The following ADGRB3 variants were observed in gnomAD, a reference collection of about 807,000 sequenced individuals.
ADGRB3 encodes adhesion G protein-coupled receptor B3.
A neutral mutation model predicts 193.4 loss-of-function variants in ADGRB3; 37 were observed. The ratio of observed to expected loss-of-function variants is 0.19; its 90% CI spans 0.15 to 0.25. The LOEUF is 0.25. Among genes scored for constraint, ADGRB3 ranks in the 10% least tolerant of loss-of-function variants. The pLI is 1.00. For synonymous variants in ADGRB3, 690 were observed against 644.2 expected (o/e 1.07, Z -1.08); for missense variants, 1,637 against 1,852.9 (o/e 0.88, Z 2.14).
intron 28 of ADGRB3, among the ~76,000 whole-genome samples, chr6:69,356,063 G>A (rs1769331575): frequency 6.6e-6 from 1 of 152,130 alleles, no homozygotes; most frequent in Admixed American, 6.6e-5. Context: ...TAAAAGGTAG[G>A]ATATTAGGGA....
At chr6:69,023,281 A>T (rs1486606260) in intron 13 of ADGRB3, among the ~76,000 whole-genome samples, 2 of 152,172 alleles carry the variant, frequency 1.3e-5, no homozygotes, top group Non-Finnish European at 2.9e-5. Context: ...ATAAATAAAC[A>T]TCAAATACAC....
chr6:69,276,722 C>G (rs1767310608), intron 20 of ADGRB3, among the ~76,000 whole-genome samples: 1 of 152,140 alleles, frequency 6.6e-6, no homozygotes, highest in Non-Finnish European at 1.5e-5. Context: ...GCCCACCTCT[C>G]CTTTCCTCCT....
At chr6:68,871,413 G>A (rs555949182) in intron 3 of ADGRB3, among the ~76,000 whole-genome samples, 30 of 152,064 alleles carry the variant, frequency 2.0e-4, no homozygotes, top group Middle Eastern at 3.4e-3. Context: ...TAATGGTCTC[G>A]TTTAGAATTG....
At chr6:69,245,200 A>G (rs1350560862) in intron 20 of ADGRB3, among the ~76,000 whole-genome samples, 4 of 152,012 alleles carry the variant, frequency 2.6e-5, no homozygotes, top group African/African-American at 9.7e-5. Context: ...TCTTGTCTCT[A>G]TCAGGTATTG....
chr6:68,738,399 G>A (rs1765913399), intron 3 of ADGRB3, among the ~76,000 whole-genome samples: 1 of 152,094 alleles, frequency 6.6e-6, no homozygotes, highest in Non-Finnish European at 1.5e-5. Context: ...ATTTTAAATG[G>A]CCCATAGACT....
chr6:69,042,209 A>T (rs1771093740), intron 13 of ADGRB3, among the ~76,000 whole-genome samples: 1 of 152,172 alleles, frequency 6.6e-6, no homozygotes, highest in African/African-American at 2.4e-5. Context: ...GCCCTGCAGA[A>T]CTGACAGTCA....
chr6:69,095,792 C>T (rs548855022), intron 17 of ADGRB3, among the ~76,000 whole-genome samples: 1 of 152,200 alleles, frequency 6.6e-6, no homozygotes, highest in South Asian at 2.1e-4. Context: ...ATACAACATA[C>T]ACACACGCAC....
intron 20 of ADGRB3, among the ~76,000 whole-genome samples, chr6:69,300,275 A>T (rs1198372666): frequency 6.6e-6 from 1 of 151,836 alleles, no homozygotes; most frequent in Non-Finnish European, 1.5e-5. Flanking sequence ...ACATTCCGTA[A>T]TGATAAACTC....
intron 3 of ADGRB3, among the ~76,000 whole-genome samples, chr6:68,741,086 T>G (rs535863422): frequency 2.6e-5 from 4 of 152,212 alleles, no homozygotes; most frequent in African/African-American, 4.8e-5. Context: ...ATTTGTCAGT[T>G]TGCTTGACAG....
At chr6:69,189,716 A>G (rs909966546) in intron 17 of ADGRB3, among the ~76,000 whole-genome samples, 1 of 152,214 alleles carries the variant, frequency 6.6e-6, no homozygotes, top group Non-Finnish European at 1.5e-5. Flanking sequence ...TTGCTCATCA[A>G]TAAAATTTTG....
In ADGRB3 at chr6:68,975,249, G is replaced by T. The variant is rs369343391; in HGVS notation, c.1643G>T (p.Arg548Leu). 6.2e-7 allele frequency: 1 copy of T among 1,613,866 alleles called. No homozygotes were observed. Among genetic ancestry groups the T allele is most frequent in the Non-Finnish European group, 8.5e-7 (1 of 1,179,864 alleles). The change falls in exon 10 of 32, where the codon CGC becomes CTC. Residue 548 changes from arginine (R) to leucine (L), a missense_variant. This residue lies in a region of ADGRB3 where 641 missense variants were observed against 673.9 expected (regional missense o/e 0.95). Transcript: ENST00000370598. ...PLNATGTTSR[R>L]CSLSLHGVAF... ...TGACACACAGGCACCACTAGCAGAC[G>T]CTGCTCTCTCAGTCTTCATGGAGTG...
intron 3 of ADGRB3, among the ~76,000 whole-genome samples, chr6:68,852,497 A>G (rs942742829): frequency 6.6e-6 from 1 of 152,018 alleles, no homozygotes; most frequent in African/African-American, 2.4e-5. Context: ...GTTAAAGAGT[A>G]TAGACAAACA....
At chr6:68,979,978 G>A (rs1582367885) in intron 10 of ADGRB3, among the ~76,000 whole-genome samples, 1 of 151,384 alleles carries the variant, frequency 6.6e-6, no homozygotes, top group East Asian at 1.9e-4. Context: ...AAAGCAAAGG[G>A]AGTTGATCCA....
At chr6:69,282,786 A>G (rs1395661962) in intron 20 of ADGRB3, among the ~76,000 whole-genome samples, 1 of 152,216 alleles carries the variant, frequency 6.6e-6, no homozygotes, top group African/African-American at 2.4e-5. Flanking sequence ...ACTAGGTACC[A>G]TGTAAGAATT....
At chr6:68,804,568 T>C (rs892055432) in intron 3 of ADGRB3, among the ~76,000 whole-genome samples, 1 of 152,204 alleles carries the variant, frequency 6.6e-6, no homozygotes, top group Non-Finnish European at 1.5e-5. Context: ...CACTAATTAT[T>C]AATTCATTTG....
chr6:68,901,935 G>A (rs1471579391), intron 3 of ADGRB3, among the ~76,000 whole-genome samples: 6 of 152,196 alleles, frequency 3.9e-5, no homozygotes, highest in African/African-American at 1.4e-4. Flanking sequence ...AATGGGAGAA[G>A]TGGTGACATT....
At chr6:69,262,547 C>T (rs777605131) in intron 20 of ADGRB3, among the ~76,000 whole-genome samples, 17 of 151,886 alleles carry the variant, frequency 1.1e-4, no homozygotes, top group Admixed American at 1.1e-3. Flanking sequence ...GGCAATTTCT[C>T]AATATTTCTC....
At chr6:68,645,860 A>T (rs1582094581) in intron 3 of ADGRB3, among the ~76,000 whole-genome samples, 1 of 151,426 alleles carries the variant, frequency 6.6e-6, no homozygotes, top group Admixed American at 6.6e-5. Context: ...TTTTAGTAGA[A>T]ACGGGGTTTC....
chr6:68,981,493 T>C (rs1582369036), intron 10 of ADGRB3, among the ~76,000 whole-genome samples: 1 of 151,912 alleles, frequency 6.6e-6, no homozygotes, highest in African/African-American at 2.4e-5. Context: ...TTTTCCATTA[T>C]GCCTGTAAAA....
Sources: gnomAD v4.1 joint callset for allele counts (sites outside exome capture counted in the v4.1 genomes callset) on GRCh38, gnomAD v4.1.1 for gene constraint, gnomAD v4.1.1 regional missense constraint, MANE v1.5 for transcripts, NCBI Gene and HGNC (gene_info 2026-07-23, HGNC 2026-07-21) for gene names.